Variants in SLC2A9 observed in about 807,000 individuals in gnomAD.
The protein encoded by SLC2A9 is solute carrier family 2, facilitated glucose transporter member 9.
Under a neutral mutation model 50.6 loss-of-function variants are expected in SLC2A9, and 39 were observed. The observed-to-expected ratio is 0.77, with a 90% CI of 0.60 to 1.01. The LOEUF (loss-of-function observed/expected upper bound fraction) is 1.01, where lower values mean the gene tolerates loss of function less well. SLC2A9 is among the 50% of genes least tolerant of loss of function. SLC2A9 has a pLI of 0.00. For synonymous variants in SLC2A9, 324 were observed against 276.9 expected (o/e 1.17, Z -1.69); for missense variants, 686 against 677.6 (o/e 1.01, Z -0.14).
chr4:9,981,368 G>T (rs951740596), intron 4 of SLC2A9, among the ~76,000 whole-genome samples: 1 of 151,100 alleles, frequency 6.6e-6, no homozygotes, highest in African/African-American at 2.4e-5. Context: ...GGTGATGGTG[G>T]TCACAATGAT....
At chr4:9,968,585 T>C (rs1032123822) in intron 5 of SLC2A9, among the ~76,000 whole-genome samples, 4 of 152,208 alleles carry the variant, frequency 2.6e-5, no homozygotes, top group Non-Finnish European at 5.9e-5. Flanking sequence ...GAATTTCTCA[T>C]GCTTTTACTA....
At chr4:9,793,863 A>G (rs1481573046) in intron 3 of SLC2A9, among the ~76,000 whole-genome samples, 2 of 152,218 alleles carry the variant, frequency 1.3e-5, no homozygotes, top group Non-Finnish European at 2.9e-5. Flanking sequence ...AACAAAATCA[A>G]TAATTTAAGC....
intron 6 of SLC2A9, among the ~76,000 whole-genome samples, chr4:9,921,638 G>A (rs1446309891): frequency 6.6e-6 from 1 of 152,242 alleles, no homozygotes; most frequent in Non-Finnish European, 1.5e-5. Flanking sequence ...AGGCTTTGGA[G>A]TGTTATTTCC....
At chr4:9,847,529 C>T (rs560454370) in intron 10 of SLC2A9, among the ~76,000 whole-genome samples, 7 of 152,312 alleles carry the variant, frequency 4.6e-5, no homozygotes, top group Non-Finnish European at 8.8e-5. Flanking sequence ...ATGATTACGG[C>T]GATTCCTCTT....
chr4:9,966,039 T>A (rs909564455), intron 5 of SLC2A9, among the ~76,000 whole-genome samples: 11 of 152,198 alleles, frequency 7.2e-5, no homozygotes, highest in Admixed American at 6.5e-4. Flanking sequence ...TGTTACAGCA[T>A]CAACAGGAAA....
intron 7 of SLC2A9, among the ~76,000 whole-genome samples, chr4:9,918,985 G>C: frequency 6.6e-6 from 1 of 152,174 alleles, no homozygotes; most frequent in Non-Finnish European, 1.5e-5. Flanking sequence ...AGGAATTTAT[G>C]AAGTTATACG....
intron 5 of SLC2A9, among the ~76,000 whole-genome samples, chr4:9,952,826 G>A (rs9994266): frequency 0.48 from 73,168 of 152,018 alleles, 19,000 homozygotes; most frequent in African/African-American, 0.67. Context: ...GTTTACAGCC[G>A]TGCAAGAATG....
At chr4:9,951,019 C>T (rs908367658) in intron 5 of SLC2A9, among the ~76,000 whole-genome samples, 6 of 151,966 alleles carry the variant, frequency 3.9e-5, no homozygotes, top group African/African-American at 9.6e-5. Context: ...GAAATTCATA[C>T]GTCAAAGGGA....
chr4:9,887,789 A>C, intron 9 of SLC2A9, 147 bp from the exon 10 acceptor site: 2 of 486,222 alleles, frequency 4.1e-6, no homozygotes, highest in Non-Finnish European at 7.2e-6. Flanking sequence ...CATCTATAAC[A>C]TGGGAACAAT....
chr4:9,996,850 A>T lies in SLC2A9; in HGVS notation c.341T>A (p.Val114Glu), dbSNP rs1462109510. The T allele has an allele frequency of 2.5e-6, 4 of 1,614,118 alleles. No homozygotes were observed. The highest frequency in any genetic ancestry group is 3.4e-6 in the Non-Finnish European group (4 of 1,180,034). ...AAGTCCACCGATGGCGAATATGGAC[A>T]CAGTCACAGACCAGAGCAAAGTCAG... The part of the protein sequence containing the change: ...DTLTLLWSVT[V>E]SIFAIGGLVG... Residue 114 changes from valine to glutamate, a missense_variant, in exon 3 of 12, where the codon GTG becomes GAG. Transcript: ENST00000264784.
At chr4:9,933,687 G>A (rs1469107731) in intron 6 of SLC2A9, among the ~76,000 whole-genome samples, 2 of 152,162 alleles carry the variant, frequency 1.3e-5, no homozygotes, top group African/African-American at 4.8e-5. Flanking sequence ...AAATTACAAT[G>A]GAGATTTATC....
chr4:10,007,980 T>C (rs1017356653), intron 2 of SLC2A9, among the ~76,000 whole-genome samples: 13 of 152,214 alleles, frequency 8.5e-5, no homozygotes, highest in African/African-American at 2.4e-4. Flanking sequence ...TCTTCCCCTA[T>C]GGGTCAGAAA....
In SLC2A9 at chr4:9,939,506, A is replaced by G. The variant is rs535095440; in HGVS notation, c.814+2407T>C. ...AATAAAGTGCATTTTGTTTACATTC[A>G]TAAGTTCCAGAGCCAGACTGTCAGA... is the stretch of plus-strand genomic sequence containing the variant. On this transcript the variant is annotated intron_variant, in intron 6 of 11. Coordinates refer to ENST00000264784, the MANE Select transcript of SLC2A9 (RefSeq NM_020041.3). 2.0e-5 allele frequency among the ~76,000 whole-genome samples: 3 copies of G among 152,292 alleles called. No homozygotes were observed. The South Asian group carries it at 6.2e-4, about 32-fold the overall frequency.
intron 7 of SLC2A9, among the ~76,000 whole-genome samples, chr4:9,913,210 A>G (rs760719059): frequency 6.6e-6 from 1 of 152,162 alleles, no homozygotes; most frequent in South Asian, 2.1e-4. Context: ...AATAATAGCT[A>G]AGCTATTGCA....
intron 10 of SLC2A9, among the ~76,000 whole-genome samples, chr4:9,865,769 C>T (rs1732353337): frequency 6.6e-6 from 1 of 152,142 alleles, no homozygotes; most frequent in Non-Finnish European, 1.5e-5. Flanking sequence ...CTTTCCAGGA[C>T]ATAAAGGAAG....
At chr4:9,772,566 G>A (rs73805836) in intron 1 of SLC2A9, among the ~76,000 whole-genome samples, 166 of 152,302 alleles carry the variant, frequency 1.1e-3, no homozygotes, top group African/African-American at 3.8e-3. Context: ...GGAACCACCG[G>A]CCTCTGAATG....
intron 10 of SLC2A9, among the ~76,000 whole-genome samples, chr4:9,886,226 C>T (rs1736174713): frequency 6.6e-6 from 1 of 152,202 alleles, no homozygotes; most frequent in African/African-American, 2.4e-5. Context: ...GGGCCGTAGG[C>T]TGGACACCTC....
At chr4:9,793,164 C>A (rs532627504) in intron 3 of SLC2A9, among the ~76,000 whole-genome samples, 1 of 152,200 alleles carries the variant, frequency 6.6e-6, no homozygotes, top group Non-Finnish European at 1.5e-5. Flanking sequence ...TGAACAGAAA[C>A]GGCCACTATA....
Position 9,782,870 on chromosome 4 carries a change from G to C in SLC2A9, n.386-2805C>G, listed in dbSNP as rs1718669742. 6.2e-7 allele frequency: 1 copy of C among 1,613,502 alleles called. No individual in the cohort carries two copies. The highest frequency in any genetic ancestry group is 1.3e-5 in the African/African-American group (1 of 74,924). The stretch of plus-strand genomic sequence containing the variant: ...CCGGAGCAGCGCAGCCTGCGCGCCC[G>C]ACACCAGCCTGCGCGCTTCCATCAA... On this transcript the variant is annotated intron_variant and non_coding_transcript_variant, in intron 3 of 3. Transcript: ENST00000503803.
Sources: allele counts gnomAD v4.1 joint callset (sites outside exome capture counted in the v4.1 genomes callset), GRCh38; gene constraint gnomAD v4.1.1; transcripts MANE v1.5; gene names NCBI Gene and HGNC (gene_info 2026-07-23, HGNC 2026-07-21).